TNIK: variants seen among roughly 807,000 people sequenced by gnomAD.
The protein encoded by TNIK is TRAF2 and NCK-interacting protein kinase.
Under a neutral mutation model 191.3 loss-of-function variants are expected in TNIK, and 49 were observed. The observed-to-expected ratio is 0.26, with a 90% confidence interval of 0.20 to 0.32. The LOEUF is 0.32. Ranked by LOEUF, TNIK falls within the 10% of genes least tolerant of loss-of-function variation. The pLI is 1.00. For missense variants in TNIK, 1,155 were observed against 1,702.3 expected, an observed-to-expected ratio of 0.68 and a Z score of 5.66; for synonymous variants, 594 against 600.9, an observed-to-expected ratio of 0.99 and a Z score of 0.17.
intron 22 of TNIK, among the ~76,000 whole-genome samples, chr3:171,094,926 G>C (rs905561920): frequency 6.6e-6 from 1 of 151,886 alleles, no homozygotes; most frequent in Non-Finnish European, 1.5e-5. Flanking sequence ...TTATTACCCA[G>C]TACCCAGCCT....
chr3:171,223,081 C>A (rs1577168017), intron 3 of TNIK, among the ~76,000 whole-genome samples: 1 of 152,206 alleles, frequency 6.6e-6, no homozygotes, highest in East Asian at 1.9e-4. Flanking sequence ...ATGACCTGGC[C>A]CCTCCTAATG....
At chr3:171,137,014 T>C (rs912860367) in intron 15 of TNIK, among the ~76,000 whole-genome samples, 4 of 151,972 alleles carry the variant, frequency 2.6e-5, no homozygotes, top group African/African-American at 9.7e-5. Context: ...TTAGTTTAAC[T>C]TTTAAAAGAA....
At chr3:171,386,943 A>G (rs1220100988) in intron 1 of TNIK, among the ~76,000 whole-genome samples, 1 of 152,198 alleles carries the variant, frequency 6.6e-6, no homozygotes, top group East Asian at 1.9e-4. Context: ...CTTACCTTTC[A>G]GCAATATAAA....
intron 3 of TNIK, among the ~76,000 whole-genome samples, chr3:171,223,975 G>A (rs73043068): frequency 0.061 from 9,207 of 152,134 alleles, 514 homozygotes; most frequent in East Asian, 0.26. Context: ...CAGTCCCTGC[G>A]GTAGGTTCCA....
chr3:171,100,233 G>A (rs765062491), intron 22 of TNIK, among the ~76,000 whole-genome samples: 1 of 152,124 alleles, frequency 6.6e-6, no homozygotes, highest in Non-Finnish European at 1.5e-5. Flanking sequence ...TTTGCCTCTA[G>A]AACAATTTTA....
At chr3:171,291,209 A>T (rs1489777317) in intron 2 of TNIK, among the ~76,000 whole-genome samples, 1 of 152,172 alleles carries the variant, frequency 6.6e-6, no homozygotes, top group African/African-American at 2.4e-5. Context: ...CATTACAGCT[A>T]TGTACATAAT....
intron 2 of TNIK, among the ~76,000 whole-genome samples, chr3:171,326,802 A>T (rs1429941705): frequency 6.6e-6 from 1 of 152,148 alleles, no homozygotes; most frequent in Non-Finnish European, 1.5e-5. Flanking sequence ...GTTCACATTG[A>T]GTATTTAGGA....
intron 15 of TNIK, among the ~76,000 whole-genome samples, chr3:171,130,782 A>C (rs1190840721): frequency 6.6e-6 from 1 of 152,224 alleles, no homozygotes; most frequent in African/African-American, 2.4e-5. Flanking sequence ...CTGAATTCCC[A>C]CTATCCAAAC....
chr3:171,300,614 C>A (rs1752780482), intron 2 of TNIK, among the ~76,000 whole-genome samples: 1 of 152,134 alleles, frequency 6.6e-6, no homozygotes, highest in Non-Finnish European at 1.5e-5. Context: ...ACTCACAGTG[C>A]ATATTGATGA....
intron 2 of TNIK, among the ~76,000 whole-genome samples, chr3:171,281,314 C>T (rs1166393329): frequency 1.3e-5 from 2 of 152,282 alleles, no homozygotes; most frequent in South Asian, 4.1e-4. Flanking sequence ...TGGCATTACA[C>T]AGTCAACAAG....
chr3:171,376,727 A>G (rs1203232392), intron 1 of TNIK, among the ~76,000 whole-genome samples: 1 of 150,514 alleles, frequency 6.6e-6, no homozygotes, highest in African/African-American at 2.4e-5. Flanking sequence ...ACATAAATAT[A>G]TACAGATAGA....
intron 28 of TNIK, among the ~76,000 whole-genome samples, chr3:171,077,179 C>T (rs1720078415): frequency 6.7e-6 from 1 of 149,384 alleles, no homozygotes; most frequent in Non-Finnish European, 1.5e-5. Context: ...AGCAGGTCAT[C>T]TATTTATACC....
intron 1 of TNIK, among the ~76,000 whole-genome samples, chr3:171,406,544 C>G (rs1222446465): frequency 6.6e-6 from 1 of 152,170 alleles, no homozygotes; most frequent in Non-Finnish European, 1.5e-5. Context: ...ATCCTCCTGC[C>G]TCAGCCTCCT....
At chr3:171,341,114 T>G (rs1757458475) in intron 2 of TNIK, among the ~76,000 whole-genome samples, 1 of 152,152 alleles carries the variant, frequency 6.6e-6, no homozygotes, top group Admixed American at 6.5e-5. Context: ...TCAATTTAAA[T>G]AAATCTATTT....
intron 2 of TNIK, among the ~76,000 whole-genome samples, chr3:171,254,337 C>T (rs1293429537): frequency 6.6e-6 from 1 of 152,208 alleles, no homozygotes; most frequent in African/African-American, 2.4e-5. Context: ...CTCTATCAGG[C>T]TGCTACAAGA....
At chr3:171,196,640 C>G (rs1738708246) in intron 4 of TNIK, among the ~76,000 whole-genome samples, 1 of 152,096 alleles carries the variant, frequency 6.6e-6, no homozygotes, top group South Asian at 2.1e-4. Context: ...CTTAGATACA[C>G]CAACAAATTG....
chr3:171,254,530 T>C (rs1746613481), intron 2 of TNIK, among the ~76,000 whole-genome samples: 1 of 152,174 alleles, frequency 6.6e-6, no homozygotes, highest in African/African-American at 2.4e-5. Flanking sequence ...CAAGATAAAC[T>C]GTTAGATACA....
At position 171,403,241 on chromosome 3, in the gene TNIK, C is replaced by G. The variant is rs1236940493; in HGVS notation, c.58-33556G>C. ...GGCTAAATACGTTAAAGAGAACAGC[C>G]CACACCTGGGGAAGAGTGTAGAACT... is the stretch of plus-strand genomic sequence containing the variant. On this transcript the variant is annotated intron_variant, in intron 1 of 32. Transcript: ENST00000436636. Among the ~76,000 whole-genome samples, 3 of 152,234 alleles carry G rather than the reference C, an allele frequency of 2.0e-5. No individual in the cohort carries two copies. In the East Asian group the frequency reaches 5.8e-4, roughly 29 times the overall value.
chr3:171,260,369 G>A (rs1747447201), intron 2 of TNIK, among the ~76,000 whole-genome samples: 1 of 152,134 alleles, frequency 6.6e-6, no homozygotes, highest in Non-Finnish European at 1.5e-5. Context: ...CTGCCTTACT[G>A]TGCTTTTCCC....
Sources: allele counts gnomAD v4.1 joint callset (sites outside exome capture counted in the v4.1 genomes callset), GRCh38; gene constraint gnomAD v4.1.1; transcripts MANE v1.5; gene names NCBI Gene and HGNC (gene_info 2026-07-23, HGNC 2026-07-21).